BUB1: variants seen among roughly 807,000 people sequenced by gnomAD.
BUB1 encodes BUB1 mitotic checkpoint serine/threonine kinase.
BUB1 carries 84 observed loss-of-function variants against 135.2 expected under a neutral mutation model. The observed-to-expected ratio is 0.62, with a 90% CI of 0.52 to 0.74. BUB1 has a LOEUF of 0.74. Ranked by LOEUF, BUB1 falls within the 30% of genes least tolerant of loss-of-function variation. The pLI, the probability that BUB1 is intolerant of heterozygous loss-of-function variation, is 0.00. For synonymous variants in BUB1, 403 were observed against 434.4 expected (o/e 0.93, Z 0.90); for missense variants, 1,162 against 1,288.3 (o/e 0.90, Z 1.50).
At position 110,667,707 on chromosome 2, in the gene BUB1, T is replaced by C; in HGVS notation, c.621-2A>G. The C allele has an allele frequency of 6.2e-7, 1 of 1,611,156 alleles. No individual in the cohort carries two copies. The highest frequency in any genetic ancestry group is 1.1e-5 in the South Asian group (1 of 90,284). ...GAAATCGTGATCACTCTTCGTTCCC[T>C]ACAATGGGGGAAAATACATTATTTA... On this transcript the variant is annotated splice_acceptor_variant, in intron 7 of 24. Transcript: ENST00000302759. LOFTEE classifies it high-confidence loss of function.
At chr2:110,660,071 TA>T in intron 10 of BUB1, 35 bp from the exon 11 acceptor site, 1 of 1,574,180 alleles carries the variant, frequency 6.4e-7, no homozygotes, top group Non-Finnish European at 8.7e-7. Flanking sequence ...CACTAGAGAA[TA>T]AAATGCTTGA....
At chr2:110,670,677 G>C in intron 4 of BUB1, 109 bp from the exon 5 acceptor site, 1 of 1,081,312 alleles carries the variant, frequency 9.2e-7, no homozygotes, top group South Asian at 1.5e-5. Flanking sequence ...AGTAAAGTCT[G>C]ACGTCAAGAG....
intron 24 of BUB1, among the ~76,000 whole-genome samples, chr2:110,638,755 T>C (rs865935419): frequency 1.2e-4 from 18 of 152,206 alleles, no homozygotes; most frequent in Admixed American, 5.9e-4. Context: ...TGGTCAGAGA[T>C]GAAACTATCT....
chr2:110,655,287 C>T (rs535672489), intron 16 of BUB1, among the ~76,000 whole-genome samples: 1 of 152,116 alleles, frequency 6.6e-6, no homozygotes, highest in Non-Finnish European at 1.5e-5. Flanking sequence ...ATAAAGTTGA[C>T]ATATATGTGT....
At chr2:110,638,465 A>C (rs1689418939) in intron 24 of BUB1, among the ~76,000 whole-genome samples, 1 of 152,240 alleles carries the variant, frequency 6.6e-6, no homozygotes, top group South Asian at 2.1e-4. Context: ...GCTTCTGGCT[A>C]GCCATACATA....
chr2:110,677,901 G>A, intron 1 of BUB1, 69 bp downstream of exon 1: 2 of 1,539,118 alleles, frequency 1.3e-6, no homozygotes, highest in South Asian at 1.2e-5. Context: ...CAGGTCTGGG[G>A]CGGGCCGGGC....
At chr2:110,659,651 G>T (rs907214718) in intron 11 of BUB1, among the ~76,000 whole-genome samples, 1 of 152,178 alleles carries the variant, frequency 6.6e-6, no homozygotes, top group Non-Finnish European at 1.5e-5. Flanking sequence ...GAATAACAGT[G>T]TAACACTCCT....
chr2:110,677,950 C>T lies in BUB1; in HGVS notation c.26+20G>A, dbSNP rs1188040871. On this transcript the variant is annotated intron_variant, in intron 1 of 24. Coordinates refer to ENST00000302759, the MANE Select transcript of BUB1 (RefSeq NM_004336.5). ...GCCCCAGCCCCCTGGGCTTCCCCACCCCACCAGACGGACACTTACTGAAGG... is the reference window on the plus strand; with the variant it reads ...GCCCCAGCCCCCTGGGCTTCCCCACTCCACCAGACGGACACTTACTGAAGG... The T allele has an allele frequency of 6.2e-7, 1 of 1,606,298 alleles. No homozygotes were observed. Among genetic ancestry groups the T allele is most frequent in the African/African-American group, 1.3e-5 (1 of 74,910 alleles).
In BUB1 at chr2:110,653,465, C is replaced by T; in HGVS notation, c.1935G>A (p.Met645Ile). 6.2e-7 allele frequency: 1 copy of T among 1,613,914 alleles called. No homozygotes were observed. Among genetic ancestry groups the T allele is most frequent in the Non-Finnish European group, 8.5e-7 (1 of 1,179,914 alleles). ...ATTTTCCATCCCTTGAAGGCACCAC[C>T]ATGTTTTCCTCACAAGAATCCAAAG... Reference protein sequence around the residue: ...QATLDSCEENMVVPSRDGKFS... With the variant: ...QATLDSCEENIVVPSRDGKFS... Residue 645 changes from methionine (M) to isoleucine (I), a missense_variant, in exon 17 of 25, where the codon ATG becomes ATA. Physicochemically the swap from Met to Ile is conservative, Grantham distance 10. Transcript: ENST00000302759.
In BUB1 at chr2:110,661,872, C is replaced by T. The variant is rs556976452; in HGVS notation, c.958-31G>A. On this transcript the variant is annotated intron_variant, in intron 9 of 24. Transcript: ENST00000302759. ...ATATTAAACAAACAAACAACAAAAA[C>T]AAAACCATGAAGTCCAGAATACTAC... The T allele has an allele frequency of 1.3e-4, 213 of 1,607,094 alleles. 2 individuals carry two copies. In the East Asian group the frequency reaches 2.7e-3, roughly 20 times the overall value.
At position 110,678,051 on chromosome 2, in the gene BUB1, C is replaced by A. The variant is rs1690644208; in HGVS notation, c.-56G>T. 1.3e-6 allele frequency: 2 copies of A among 1,560,784 alleles called. No homozygotes were observed. Among genetic ancestry groups the A allele is most frequent in the East Asian group, 2.4e-5 (1 of 42,046 alleles). On this transcript the variant is annotated 5_prime_UTR_variant, in exon 1 of 25. Coordinates refer to ENST00000302759, the MANE Select transcript of BUB1 (RefSeq NM_004336.5). Reference sequence around the variant, plus strand: ...ACCTGAACCGCAAACTAGAAGCCGCCGCCGATTCGAATACCCCGCGCAGCC... The same window carrying A: ...ACCTGAACCGCAAACTAGAAGCCGCAGCCGATTCGAATACCCCGCGCAGCC...
chr2:110,648,034 T>C lies in BUB1; in HGVS notation c.2347+1200A>G, dbSNP rs939882982. 6.6e-6 allele frequency among the ~76,000 whole-genome samples: 1 copy of C among 152,212 alleles called. No homozygotes were observed. The highest frequency in any genetic ancestry group is 1.5e-5 in the Non-Finnish European group (1 of 68,028). Reference sequence around the variant, plus strand: ...CATATAACCCTGCAATTACACTCCTTGGTATTTACCCAAATTATGAGTTGA... The same window carrying C: ...CATATAACCCTGCAATTACACTCCTCGGTATTTACCCAAATTATGAGTTGA... On this transcript the variant is annotated intron_variant, in intron 19 of 24. Coordinates refer to ENST00000302759, the MANE Select transcript of BUB1 (RefSeq NM_004336.5). This position sits in a 1 kb window ranked among gnomAD's most constrained non-coding sequence, Gnocchi z 4.2.
intron 24 of BUB1, 59 bp from the exon 25 acceptor site, chr2:110,638,218 C>G: frequency 7.3e-7 from 1 of 1,364,448 alleles, no homozygotes; most frequent in Admixed American, 2.5e-5. Context: ...GCAGGATAAC[C>G]CCACCCCTGC....
chr2:110,650,563 C>T lies in BUB1; in HGVS notation c.2186G>A (p.Gly729Glu), dbSNP rs1689757063. The T allele has an allele frequency of 1.9e-6, 3 of 1,613,670 alleles. No homozygotes were observed. In the African/African-American group the frequency reaches 4.0e-5, roughly 22 times the overall value. ...QAEWMQMSSL[G>E]TVDAPNFIVG... ...GTTCGTACTTGGAGCATCAACAGTC[C>T]CAAGTGAACTCATCTGCATCCATTC... Residue 729 changes from glycine (G) to glutamate (E), a missense_variant, in exon 18 of 25, where the codon GGG (glycine) becomes GAG (glutamate). Coordinates refer to ENST00000302759, the MANE Select transcript of BUB1 (RefSeq NM_004336.5).
intron 19 of BUB1, among the ~76,000 whole-genome samples, chr2:110,646,167 C>CAAA (rs1157342273): frequency 2.2e-4 from 12 of 54,678 alleles, no homozygotes; most frequent in African/African-American, 5.5e-4. Context: ...TATCTCTACC[C>CAAA]AAAAAAAAAA....
rs960145132 is a variant in BUB1, at chr2:110,639,098, T to G, written c.3062+644A>C. Among the ~76,000 whole-genome samples the G allele has an allele frequency of 4.6e-5, 7 of 152,210 alleles. No homozygotes were observed. The Middle Eastern group carries it at 0.01, about 222-fold the overall frequency. ...AAAAAAGAAAGTATAAGTGATATAA[T>G]GAATATGCAGGTACCAAATACTCAG... On this transcript the variant is annotated intron_variant, in intron 24 of 24. Transcript: ENST00000302759.
intron 19 of BUB1, among the ~76,000 whole-genome samples, chr2:110,643,934 A>G (rs1689570879): frequency 1.3e-5 from 2 of 152,048 alleles, no homozygotes; most frequent in Non-Finnish European, 2.9e-5. Flanking sequence ...GGTGCTAGAA[A>G]TAAAAACCCA....
chr2:110,668,998 TCCCATTGCCTGGGAGTATGA>T (rs964358882), intron 6 of BUB1, among the ~76,000 whole-genome samples: 4 of 152,162 alleles, frequency 2.6e-5, no homozygotes, highest in Admixed American at 6.5e-5. Context: ...TGGAAGCATG[TCCCATTGCCTGGGAGTATGA>T]CCCATTGCCT....
At chr2:110,650,828 T>G in intron 17 of BUB1, 44 bp from the exon 18 acceptor site, 1 of 1,527,932 alleles carries the variant, frequency 6.5e-7, no homozygotes, top group Non-Finnish European at 9.1e-7. Context: ...ACCACATGAT[T>G]AGAAATCTGT....
Sources: allele counts gnomAD v4.1 joint callset (sites outside exome capture counted in the v4.1 genomes callset), GRCh38; gene constraint gnomAD v4.1.1; non-coding constraint Gnocchi (gnomAD v3.1); transcripts MANE v1.5; gene names NCBI Gene and HGNC (gene_info 2026-07-23, HGNC 2026-07-21).